Variants in COPA observed in about 807,000 individuals in gnomAD.
COPA encodes coat protein complex I subunit alpha.
COPA carries 10 observed loss-of-function variants against 158.7 expected under a neutral mutation model. The ratio of observed to expected loss-of-function variants is 0.06; its 90% confidence interval spans 0.04 to 0.11. The LOEUF is 0.11. Ranked by LOEUF, COPA falls within the 10% of genes least tolerant of loss-of-function variation. The pLI is 1.00. For missense variants in COPA, 1,065 were observed against 1,536.7 expected, an observed-to-expected ratio of 0.69 and a Z score of 5.13; for synonymous variants, 462 against 542.8, an observed-to-expected ratio of 0.85 and a Z score of 2.07.
At chr1:160,305,374 A>C in intron 17 of COPA, 59 bp downstream of exon 17, 3 of 1,561,238 alleles carry the variant, frequency 1.9e-6, no homozygotes, top group Non-Finnish European at 2.6e-6. Context: ...ATCTCAAGAC[A>C]AGACAGTGAT....
rs937406450 is a variant in COPA, at chr1:160,288,871, G to A, written c.*1286C>T. 6.6e-6 allele frequency among the ~76,000 whole-genome samples: 1 copy of A among 152,146 alleles called. No individual in the cohort carries two copies. Among genetic ancestry groups the A allele is most frequent in the Non-Finnish European group, 1.5e-5 (1 of 68,020 alleles). On this transcript the variant is annotated 3_prime_UTR_variant, in exon 33 of 33. Coordinates refer to ENST00000241704, the MANE Select transcript of COPA (RefSeq NM_004371.4). ...TTGCTATAATTAGCAAAAGATAAAA[G>A]GCTGCAATCAAAAACAGAATAAGGG...
intron 17 of COPA, among the ~76,000 whole-genome samples, chr1:160,300,692 C>T (rs905719871): frequency 6.6e-6 from 1 of 152,142 alleles, no homozygotes; most frequent in Admixed American, 6.5e-5. Flanking sequence ...GGGAAAATTA[C>T]AGGTAATCTC....
chr1:160,314,807 T>C (rs1659082204), intron 8 of COPA, among the ~76,000 whole-genome samples: 1 of 152,198 alleles, frequency 6.6e-6, no homozygotes. Context: ...ACAGGGGCCT[T>C]ATCTGTTTTA....
intron 19 of COPA, 73 bp from the exon 20 acceptor site, chr1:160,297,818 T>A (rs1658463188): frequency 7.6e-6 from 11 of 1,447,122 alleles, no homozygotes; most frequent in Non-Finnish European, 9.4e-6. Context: ...CTGCAAAGCA[T>A]CTGCATCTAT....
At chr1:160,340,533 A>C (rs939386442) in intron 1 of COPA, among the ~76,000 whole-genome samples, 3 of 152,206 alleles carry the variant, frequency 2.0e-5, no homozygotes, top group Non-Finnish European at 4.4e-5. Flanking sequence ...ACTTGGAATC[A>C]GTTGATCCTT....
intron 15 of COPA, 94 bp from the exon 16 acceptor site, chr1:160,305,867 C>T (rs759419007): frequency 4.0e-5 from 39 of 973,310 alleles, no homozygotes; most frequent in Admixed American, 7.2e-5. Flanking sequence ...TTAATGTAAA[C>T]CCCAATTTCT....
At chr1:160,319,275 T>TA (rs1659255875) in intron 8 of COPA, among the ~76,000 whole-genome samples, 1 of 151,768 alleles carries the variant, frequency 6.6e-6, no homozygotes, top group African/African-American at 2.4e-5. Context: ...CCTAAGATTG[T>TA]AAAAAGAGAC....
chr1:160,293,043 TTCA>T (rs979788992), intron 27 of COPA, 120 bp downstream of exon 27: 2 of 1,013,290 alleles, frequency 2.0e-6, no homozygotes, highest in African/African-American at 3.3e-5. Flanking sequence ...ATAAAGAGTT[TTCA>T]TGAAAAATAT....
chr1:160,315,981 T>C (rs1431515489), intron 8 of COPA, among the ~76,000 whole-genome samples: 1 of 152,144 alleles, frequency 6.6e-6, no homozygotes, highest in Non-Finnish European at 1.5e-5. Flanking sequence ...TTTGCTGAAA[T>C]GAAGAGCTCA....
chr1:160,308,814 A>T (rs571293231), intron 13 of COPA: 35 of 342,384 alleles, frequency 1.0e-4, no homozygotes, highest in Non-Finnish European at 1.5e-4. Flanking sequence ...TGAAAGTCAT[A>T]TCAACTGACA....
intron 23 of COPA, 130 bp downstream of exon 23, chr1:160,295,606 G>T: frequency 1.0e-6 from 1 of 958,828 alleles, no homozygotes; most frequent in Non-Finnish European, 1.4e-6. Context: ...ATAAATGACT[G>T]GCATTTCAAT....
intron 8 of COPA, among the ~76,000 whole-genome samples, chr1:160,320,545 G>A (rs1659297768): frequency 7.0e-6 from 1 of 142,256 alleles, no homozygotes; most frequent in Admixed American, 7.3e-5. Context: ...GGAGGTGGAG[G>A]CTGCAGTGAG....
chr1:160,314,143 T>C lies in COPA; in HGVS notation c.707-18A>G. 1 of 1,607,504 alleles carries C rather than the reference T, an allele frequency of 6.2e-7. No homozygotes were observed. The highest frequency in any genetic ancestry group is 8.5e-7 in the Non-Finnish European group (1 of 1,177,164). The stretch of plus-strand genomic sequence containing the variant: ...CTTTGATTCTGAAGGACAAAAAGAA[T>C]TAGGTCATCACAATTCCCTACTACT... On this transcript the variant is annotated intron_variant, in intron 8 of 32. Transcript: ENST00000241704.
At position 160,332,507 on chromosome 1, in the gene COPA, G is replaced by C. The variant is rs538962895; in HGVS notation, c.437C>G (p.Thr146Arg). 1.2e-6 allele frequency: 2 copies of C among 1,613,840 alleles called. No individual in the cohort carries two copies. The highest frequency in any genetic ancestry group is 8.5e-7 in the Non-Finnish European group (1 of 1,179,994). The change falls in exon 6 of 33, where the codon ACA (threonine) becomes AGA (arginine). Residue 146 changes from threonine to arginine, a missense_variant. By Grantham distance (71) the Thr-to-Arg change is moderately conservative (BLOSUM62 -1). Around this residue, in one of 2 missense-constraint regions of COPA, gnomAD observed 980 missense variants for 1,357.8 expected, o/e 0.72. Coordinates refer to ENST00000241704, the MANE Select transcript of COPA (RefSeq NM_004371.4). ...GCTGGCTGATACTACCAAGTCTTCT[G>C]TGGGGTGGAACTGAGCACACATCAC... The part of the protein sequence containing the change: ...HYVMCAQFHP[T>R]EDLVVSASLD...
intron 14 of COPA, 140 bp downstream of exon 14, chr1:160,307,023 T>C: frequency 2.5e-6 from 2 of 810,342 alleles, no homozygotes; most frequent in East Asian, 2.5e-5. Context: ...AGTGTAGGGC[T>C]AGAGACAGAG....
At position 160,296,251 on chromosome 1, in the gene COPA, T is replaced by C. The variant is rs1658408102; in HGVS notation, c.2264-102A>G. ...CCCCCCAGTAATCCCTGACTCCTGG[T>C]ATTCAAGTTGTTGCAAAATACCCAC... On this transcript the variant is annotated intron_variant, in intron 21 of 32. Transcript: ENST00000241704. 1.1e-5 allele frequency: 10 copies of C among 935,660 alleles called. No homozygotes were observed. In the South Asian group the frequency reaches 1.4e-4, roughly 13 times the overall value. 58.0% of individuals were successfully genotyped at this position (935,660 alleles called of 1,614,324 possible). A position where few individuals can be genotyped will look rare whatever the true frequency, so the allele number is the denominator to read the frequency against.
At chr1:160,330,910 G>A (rs1039346305) in intron 6 of COPA, among the ~76,000 whole-genome samples, 6 of 151,686 alleles carry the variant, frequency 4.0e-5, no homozygotes, top group African/African-American at 7.3e-5. Context: ...ATGGTGGCTC[G>A]CGCCTATAAT....
At chr1:160,331,070 T>TAA (rs142335829) in intron 6 of COPA, among the ~76,000 whole-genome samples, 2 of 149,676 alleles carry the variant, frequency 1.3e-5, no homozygotes, top group African/African-American at 4.9e-5. Context: ...AAATAAAAGT[T>TAA]AAAAAAAAAG....
chr1:160,341,663 TTTG>T (rs1299798624), intron 1 of COPA, among the ~76,000 whole-genome samples: 1 of 152,242 alleles, frequency 6.6e-6, no homozygotes, highest in African/African-American at 2.4e-5. Flanking sequence ...TATTTGTTGT[TTTG>T]TTTTATAAAT....
Sources: gnomAD v4.1 joint callset for allele counts (sites outside exome capture counted in the v4.1 genomes callset) on GRCh38, gnomAD v4.1.1 for gene constraint, gnomAD v4.1.1 regional missense constraint, MANE v1.5 for transcripts, NCBI Gene and HGNC (gene_info 2026-07-23, HGNC 2026-07-21) for gene names.